Variants in WWOX observed in about 807,000 individuals in gnomAD.
The protein encoded by WWOX is WW domain-containing oxidoreductase.
A neutral mutation model predicts 46.2 loss-of-function variants in WWOX; 69 were observed. The observed-to-expected ratio is 1.49, with a 90% confidence interval of 1.23 to 1.82. The LOEUF (loss-of-function observed/expected upper bound fraction) is 1.82. Among genes scored for constraint, WWOX ranks in the 40% most tolerant of loss-of-function variants. The probability of loss-of-function intolerance (pLI) is 0.00; values close to 1 mark genes in which losing one functional copy is unlikely to be tolerated. For missense variants in WWOX, 919 were observed against 542.6 expected, an observed-to-expected ratio of 1.69 and a Z score of -6.89; for synonymous variants, 359 against 202.6, an observed-to-expected ratio of 1.77 and a Z score of -6.56.
chr16:79,204,641 G>C (rs1402760455), intron 8 of WWOX: 1 of 152,174 alleles, frequency 6.6e-6, no homozygotes, highest in African/African-American at 2.4e-5. Context: ...TGTCGACTTG[G>C]AAACACAGGC....
intron 8 of WWOX, among the ~76,000 whole-genome samples, chr16:78,439,185 A>T (rs935238459): frequency 6.6e-6 from 1 of 152,162 alleles, no homozygotes; most frequent in Non-Finnish European, 1.5e-5. Context: ...GCGAGGGGGA[A>T]ATATGGTTTT....
intron 8 of WWOX, among the ~76,000 whole-genome samples, chr16:78,905,623 C>G (rs911641805): frequency 1.3e-5 from 2 of 152,154 alleles, no homozygotes; most frequent in Admixed American, 6.6e-5. Flanking sequence ...GCACGTGAAT[C>G]TCCAGCTGTG....
intron 8 of WWOX, among the ~76,000 whole-genome samples, chr16:78,820,123 G>C (rs968107842): frequency 6.6e-6 from 1 of 152,260 alleles, no homozygotes; most frequent in South Asian, 2.1e-4. Flanking sequence ...TGGCACTCTA[G>C]TAGGCTCTCA....
chr16:78,458,912 A>G (rs1406024706), intron 8 of WWOX, among the ~76,000 whole-genome samples: 3 of 152,090 alleles, frequency 2.0e-5, no homozygotes, highest in East Asian at 1.9e-4. Flanking sequence ...AAAATCTTTC[A>G]TTTCCAACAA....
At chr16:78,857,462 C>T (rs746551526) in intron 8 of WWOX, among the ~76,000 whole-genome samples, 2 of 152,102 alleles carry the variant, frequency 1.3e-5, no homozygotes, top group Admixed American at 6.6e-5. Flanking sequence ...TGATGTAATT[C>T]ACAGCCTCAT....
At chr16:79,173,116 A>G (rs149083220) in intron 8 of WWOX, among the ~76,000 whole-genome samples, 14 of 152,288 alleles carry the variant, frequency 9.2e-5, no homozygotes, top group South Asian at 2.1e-4. Context: ...CATAAAATCC[A>G]TTGTTAATCA....
At chr16:79,102,045 G>T (rs922638645) in intron 8 of WWOX, among the ~76,000 whole-genome samples, 1 of 123,366 alleles carries the variant, frequency 8.1e-6, no homozygotes, top group Non-Finnish European at 1.7e-5. Flanking sequence ...GGGGTGGGGG[G>T]CAGGGAGTAG....
At chr16:78,910,875 G>T (rs900355531) in intron 8 of WWOX, among the ~76,000 whole-genome samples, 1 of 151,870 alleles carries the variant, frequency 6.6e-6, no homozygotes, top group Admixed American at 6.6e-5. Context: ...GATTTGGGTG[G>T]GGACACAGCC....
intron 8 of WWOX, among the ~76,000 whole-genome samples, chr16:78,939,514 T>G (rs1475035346): frequency 6.6e-6 from 1 of 152,238 alleles, no homozygotes; most frequent in African/African-American, 2.4e-5. Context: ...AAGTCTAGTC[T>G]GATGAATAAA....
chr16:78,559,173 A>G (rs1444822933), intron 8 of WWOX, among the ~76,000 whole-genome samples: 1 of 152,242 alleles, frequency 6.6e-6, no homozygotes, highest in East Asian at 1.9e-4. Context: ...GCAAGATTCT[A>G]GATCTTACCC....
At chr16:78,750,807 C>T (rs2049458934) in intron 8 of WWOX, among the ~76,000 whole-genome samples, 1 of 152,164 alleles carries the variant, frequency 6.6e-6, no homozygotes, top group Non-Finnish European at 1.5e-5. Context: ...ATCCACGTTG[C>T]TGCAAAGAAC....
chr16:78,994,096 A>T (rs984404182), intron 8 of WWOX, among the ~76,000 whole-genome samples: 1 of 152,144 alleles, frequency 6.6e-6, no homozygotes, highest in African/African-American at 2.4e-5. Context: ...GCTTATTATG[A>T]TCAAGAAACG....
At chr16:78,622,713 T>C (rs1163179443) in intron 8 of WWOX, among the ~76,000 whole-genome samples, 2 of 151,950 alleles carry the variant, frequency 1.3e-5, no homozygotes, top group East Asian at 1.9e-4. Flanking sequence ...CAATAGAATA[T>C]GAAAAAGATA....
Position 78,516,532 on chromosome 16 carries a change from G to C in WWOX, c.1056+83780G>C, listed in dbSNP as rs534913437. 4.6e-5 allele frequency among the ~76,000 whole-genome samples: 7 copies of C among 152,246 alleles called. No individual in the cohort carries two copies. In the East Asian group the frequency reaches 7.7e-4, roughly 17 times the overall value. ...TCATCTCTTCAAATATCTGAACTCA[G>C]ATTTCCTCTGTGATGTTGGAATCTT... On this transcript the variant is annotated intron_variant, in intron 8 of 8. Transcript: ENST00000566780.
At chr16:78,205,175 C>T (rs966981598) in intron 5 of WWOX, among the ~76,000 whole-genome samples, 1 of 152,028 alleles carries the variant, frequency 6.6e-6, no homozygotes, top group Non-Finnish European at 1.5e-5. Context: ...GTTCAGAGCA[C>T]ATAGCAGTCT....
chr16:78,189,851 C>A (rs973000700), intron 5 of WWOX, among the ~76,000 whole-genome samples: 4 of 152,010 alleles, frequency 2.6e-5, no homozygotes, highest in African/African-American at 9.7e-5. Context: ...GACGAGGTTT[C>A]ACCATGTTTG....
intron 8 of WWOX, among the ~76,000 whole-genome samples, chr16:78,811,472 C>T (rs1417757977): frequency 2.0e-5 from 3 of 151,704 alleles, no homozygotes; most frequent in Non-Finnish European, 4.4e-5. Context: ...TTCTCCTCTC[C>T]TGTCCTTTCT....
At chr16:78,712,957 C>T (rs922188577) in intron 8 of WWOX, among the ~76,000 whole-genome samples, 1 of 151,814 alleles carries the variant, frequency 6.6e-6, no homozygotes, top group Non-Finnish European at 1.5e-5. Context: ...GGCAGGCTGC[C>T]AAGAATAGCA....
intron 8 of WWOX, among the ~76,000 whole-genome samples, chr16:78,742,146 A>G (rs71398105): frequency 3.0e-4 from 45 of 152,268 alleles, no homozygotes; most frequent in East Asian, 7.7e-4. Flanking sequence ...TTTCCTTGCA[A>G]TGTTTTGTAA....
Sources: gnomAD v4.1 joint callset for allele counts (sites outside exome capture counted in the v4.1 genomes callset) on GRCh38, gnomAD v4.1.1 for gene constraint, MANE v1.5 for transcripts, NCBI Gene and HGNC (gene_info 2026-07-23, HGNC 2026-07-21) for gene names.